Variants in ZFPM2 observed in about 807,000 individuals in gnomAD.
The protein encoded by ZFPM2 is zinc finger protein ZFPM2.
ZFPM2 carries 20 observed loss-of-function variants against 98.6 expected under a neutral mutation model. That is an observed-to-expected ratio of 0.20 (90% confidence interval 0.14 to 0.29). ZFPM2 has a LOEUF of 0.29. Among genes scored for constraint, ZFPM2 ranks in the 10% least tolerant of loss-of-function variants. The pLI, the probability that ZFPM2 is intolerant of heterozygous loss-of-function variation, is 1.00. For missense variants in ZFPM2, 1,310 were observed against 1,388.6 expected (o/e 0.94, Z 0.90); for synonymous variants, 518 against 502.7 (o/e 1.03, Z -0.41).
intron 3 of ZFPM2, among the ~76,000 whole-genome samples, chr8:105,479,993 C>G (rs1813084269): frequency 6.6e-6 from 1 of 152,154 alleles, no homozygotes; most frequent in Admixed American, 6.5e-5. Flanking sequence ...GCTAGTGAGT[C>G]ACTTGAACTC....
At chr8:105,691,005 T>C (rs1810866157) in intron 5 of ZFPM2, 1 of 152,154 alleles carries the variant, frequency 6.6e-6, no homozygotes, top group Admixed American at 6.5e-5. Context: ...ATAGAGGAGA[T>C]GGCATTTGAC....
intron 1 of ZFPM2, among the ~76,000 whole-genome samples, chr8:105,332,775 T>G (rs939754944): frequency 6.6e-6 from 1 of 151,504 alleles, no homozygotes; most frequent in Non-Finnish European, 1.5e-5. Flanking sequence ...GAGTGGGAGA[T>G]GTAGTCATGA....
chr8:105,610,659 A>C (rs569308831), intron 4 of ZFPM2, among the ~76,000 whole-genome samples: 2 of 152,266 alleles, frequency 1.3e-5, no homozygotes, highest in Non-Finnish European at 2.9e-5. Context: ...TTGAAAAAAA[A>C]ATAGGTTTGA....
chr8:105,322,853 T>A (rs1425261457), intron 1 of ZFPM2, among the ~76,000 whole-genome samples: 1 of 152,128 alleles, frequency 6.6e-6, no homozygotes, highest in African/African-American at 2.4e-5. Context: ...TATTGAATAA[T>A]TACCATTTTG....
At chr8:105,686,193 G>T (rs1274385873) in intron 5 of ZFPM2, among the ~76,000 whole-genome samples, 1 of 152,074 alleles carries the variant, frequency 6.6e-6, no homozygotes, top group Non-Finnish European at 1.5e-5. Context: ...TGTAATTAGA[G>T]ATTAGATGTG....
intron 2 of ZFPM2, among the ~76,000 whole-genome samples, chr8:105,429,164 A>G (rs542256025): frequency 3.3e-5 from 5 of 152,260 alleles, no homozygotes; most frequent in Admixed American, 2.0e-4. Flanking sequence ...TGTAATTTCT[A>G]TTGTTGCTAT....
chr8:105,684,507 A>G (rs1810687369), intron 5 of ZFPM2, among the ~76,000 whole-genome samples: 2 of 152,088 alleles, frequency 1.3e-5, no homozygotes, highest in Admixed American at 1.3e-4. Flanking sequence ...AAATACTGCA[A>G]TTTGGTTGAA....
At chr8:105,573,865 C>T (rs1280836825) in intron 4 of ZFPM2, among the ~76,000 whole-genome samples, 1 of 152,058 alleles carries the variant, frequency 6.6e-6, no homozygotes, top group African/African-American at 2.4e-5. Context: ...CCTGTTATTA[C>T]TCAAAGTGGA....
At chr8:105,443,870 A>G (rs1271581049) in intron 2 of ZFPM2, among the ~76,000 whole-genome samples, 2 of 152,200 alleles carry the variant, frequency 1.3e-5, no homozygotes, top group Non-Finnish European at 2.9e-5. Flanking sequence ...AAAACCATAA[A>G]TATGTCTTAT....
chr8:105,621,015 C>G (rs1279844230), intron 4 of ZFPM2, among the ~76,000 whole-genome samples: 1 of 152,078 alleles, frequency 6.6e-6, no homozygotes, highest in South Asian at 2.1e-4. Flanking sequence ...AATGCGGGCT[C>G]TTTTTTGGTT....
intron 4 of ZFPM2, among the ~76,000 whole-genome samples, chr8:105,590,758 G>GCATGCA (rs1281745708): frequency 7.3e-6 from 1 of 137,310 alleles, no homozygotes; most frequent in Admixed American, 7.3e-5. Flanking sequence ...GCATACGTGC[G>GCATGCA]CACGCACACA....
At chr8:105,800,406 A>G (rs1437397273) in intron 7 of ZFPM2, among the ~76,000 whole-genome samples, 1 of 148,476 alleles carries the variant, frequency 6.7e-6, no homozygotes, top group Admixed American at 6.6e-5. Context: ...CAAAATGACT[A>G]TATTAGTGTA....
rs549615933 is a variant in ZFPM2 at position 105,650,827 on chromosome 8, G to A, written c.532+16470G>A. Among the ~76,000 whole-genome samples the A allele has an allele frequency of 2.0e-5, 3 of 152,300 alleles. No homozygotes were observed. The East Asian group carries it at 5.8e-4, about 29-fold the overall frequency. The stretch of plus-strand genomic sequence containing the variant: ...TGGTCAATTTTGGAATAAGTGCGAT[G>A]TGGTGCTGAGAAGAATGTTGATTTG... On this transcript the variant is annotated intron_variant, in intron 5 of 7. Coordinates refer to ENST00000407775, the MANE Select transcript of ZFPM2 (RefSeq NM_012082.4).
intron 1 of ZFPM2, chr8:105,387,487 T>G (rs978527699): frequency 6.5e-6 from 1 of 153,426 alleles, no homozygotes; most frequent in African/African-American, 2.4e-5. Flanking sequence ...GGGAGGCAGC[T>G]AAGGCCCGGC....
At chr8:105,409,556 A>G (rs1307675602) in intron 1 of ZFPM2, among the ~76,000 whole-genome samples, 2 of 151,980 alleles carry the variant, frequency 1.3e-5, no homozygotes, top group African/African-American at 4.8e-5. Context: ...ATTACAGATC[A>G]TCAGTTGCAG....
At chr8:105,373,428 C>T (rs191385267) in intron 1 of ZFPM2, among the ~76,000 whole-genome samples, 50 of 152,168 alleles carry the variant, frequency 3.3e-4, no homozygotes, top group African/African-American at 1.1e-3. Context: ...GGAGTAAGAT[C>T]GTTTTTTTCT....
intron 5 of ZFPM2, among the ~76,000 whole-genome samples, chr8:105,730,109 G>A (rs1287374781): frequency 6.6e-6 from 1 of 151,564 alleles, no homozygotes; most frequent in Non-Finnish European, 1.5e-5. Context: ...ATAGAGAAGT[G>A]TCAAGAATGA....
intron 4 of ZFPM2, among the ~76,000 whole-genome samples, chr8:105,581,483 A>T (rs1207927160): frequency 3.9e-5 from 6 of 152,124 alleles, no homozygotes; most frequent in African/African-American, 7.2e-5. Flanking sequence ...AGATTAATTT[A>T]TCAGATTGAT....
chr8:105,572,855 T>C (rs1478404128), intron 4 of ZFPM2, among the ~76,000 whole-genome samples: 1 of 152,194 alleles, frequency 6.6e-6, no homozygotes. Flanking sequence ...TGTGGCTTCT[T>C]GATTCTAATA....
Sources: gnomAD v4.1 joint callset for allele counts (sites outside exome capture counted in the v4.1 genomes callset) on GRCh38, gnomAD v4.1.1 for gene constraint, MANE v1.5 for transcripts, NCBI Gene and HGNC (gene_info 2026-07-23, HGNC 2026-07-21) for gene names.